Variants in ADARB1 observed in about 807,000 individuals in gnomAD.
ADARB1 encodes double-stranded RNA-specific editase 1.
A neutral mutation model predicts 52.4 loss-of-function variants in ADARB1; 10 were observed. The ratio of observed to expected loss-of-function variants is 0.19; its 90% CI spans 0.12 to 0.32. ADARB1 has a LOEUF of 0.32. ADARB1 is among the 10% of genes least tolerant of loss of function. The probability of loss-of-function intolerance (pLI) is 1.00; values close to 1 mark genes in which losing one functional copy is unlikely to be tolerated. For synonymous variants in ADARB1, 349 were observed against 371.1 expected, an observed-to-expected ratio of 0.94 and a Z score of 0.68; for missense variants, 643 against 922.3, an observed-to-expected ratio of 0.70 and a Z score of 3.92.
At chr21:45,164,233 A>T (rs578161152) in intron 2 of ADARB1, among the ~76,000 whole-genome samples, 1 of 152,280 alleles carries the variant, frequency 6.6e-6, no homozygotes, top group South Asian at 2.1e-4. Context: ...CAACTGTAGC[A>T]GCCAAGTGAA....
At chr21:45,152,788 CT>C (rs751335216) in intron 2 of ADARB1, 1 of 190,224 alleles carries the variant, frequency 5.3e-6, no homozygotes, top group South Asian at 6.5e-5. Context: ...GGATAGACGG[CT>C]TTGTGAATTA....
chr21:45,221,036 A>T lies in ADARB1; in HGVS notation c.1926+22A>T, dbSNP rs1257912701. The T allele has an allele frequency of 6.3e-6, 10 of 1,587,084 alleles. No individual in the cohort carries two copies. In the South Asian group the frequency reaches 1.0e-4, roughly 16 times the overall value. On this transcript the variant is annotated intron_variant, in intron 10 of 10. Transcript: ENST00000348831. The surrounding 1 kb of genome is among the most constrained non-coding windows in gnomAD (Gnocchi z 4.9). ...CAAGGTACTGAGGCGCCCTCACCGC[A>T]ATGCGCCGGCTCCACCTCCCCAATA...
At chr21:45,108,696 GTT>G (rs751086730) in intron 1 of ADARB1, among the ~76,000 whole-genome samples, 9 of 152,004 alleles carry the variant, frequency 5.9e-5, no homozygotes, top group Non-Finnish European at 4.4e-5. Context: ...AATTTAGGTA[GTT>G]TCCACACTTC....
In ADARB1 at chr21:45,204,617, C is replaced by T; in HGVS notation, c.1628C>T (p.Ser543Leu). The change falls in exon 9 of 11, where the codon TCG (serine) becomes TTG (leucine). Residue 543 changes from serine to leucine, a missense_variant. Coordinates refer to ENST00000348831, the MANE Select transcript of ADARB1 (RefSeq NM_001112.4). This position sits in a 1 kb window ranked among gnomAD's most constrained non-coding sequence, Gnocchi z 4.4. ...LSIFVEPIYFSSIILGSLYHG... is the reference protein window; with the variant it reads ...LSIFVEPIYFLSIILGSLYHG... ...ATTTTCGTGGAGCCCATTTACTTCTCGAGCATCATCCTGGGCAGCCTTTAC... is the reference window on the plus strand; with the variant it reads ...ATTTTCGTGGAGCCCATTTACTTCTTGAGCATCATCCTGGGCAGCCTTTAC... 1 of 1,614,168 alleles carries T rather than the reference C, an allele frequency of 6.2e-7. No homozygotes were observed. The highest frequency in any genetic ancestry group is 8.5e-7 in the Non-Finnish European group (1 of 1,180,012).
At chr21:45,219,696 T>C (rs1457694339) in intron 9 of ADARB1, among the ~76,000 whole-genome samples, 1 of 152,196 alleles carries the variant, frequency 6.6e-6, no homozygotes, top group East Asian at 1.9e-4. Flanking sequence ...ATAAGGTGGA[T>C]GGCTCATGAT....
intron 1 of ADARB1, among the ~76,000 whole-genome samples, chr21:45,084,204 A>G (rs1054424825): frequency 5.9e-5 from 9 of 152,224 alleles, no homozygotes; most frequent in African/African-American, 1.4e-4. Context: ...CTGGAAGACT[A>G]TTGTAAGTCA....
At position 45,182,581 on chromosome 21, in the gene ADARB1, T is replaced by TTC; in HGVS notation, c.1079-4_1079-3insTC. 1 of 1,579,776 alleles carries TTC rather than the reference T, an allele frequency of 6.3e-7. No individual in the cohort carries two copies. The highest frequency in any genetic ancestry group is 2.1e-5 in the Admixed American group (1 of 48,532). The stretch of plus-strand genomic sequence containing the variant: ...AAAATAGTGTCTCTTTTTTTTTTTT[T>TTC]CAGGCACAGATGTTAAAGATGCCAA... On this transcript the variant is annotated splice_polypyrimidine_tract_variant and splice_region_variant and intron_variant, in intron 5 of 10. Coordinates refer to ENST00000348831, the MANE Select transcript of ADARB1 (RefSeq NM_001112.4).
Position 45,128,122 on chromosome 21 carries a change from G to C in ADARB1, c.-219-280G>C, listed in dbSNP as rs57114866. Among the ~76,000 whole-genome samples, 147 of 152,354 alleles carry C rather than the reference G, an allele frequency of 9.6e-4. 1 individual carries two copies. In the East Asian group the frequency reaches 0.027, roughly 28 times the overall value. On this transcript the variant is annotated intron_variant, in intron 1 of 10. Transcript: ENST00000348831. The surrounding 1 kb of genome is among the most constrained non-coding windows in gnomAD (Gnocchi z 4.6). Reference sequence around the variant, plus strand: ...CCTGAGACTCCAGTCCTCAGTGTGTGGCCTGGTGCCGCTGATGCCGAGATG... The same window carrying C: ...CCTGAGACTCCAGTCCTCAGTGTGTCGCCTGGTGCCGCTGATGCCGAGATG...
chr21:45,167,520 G>A (rs2091300886), intron 2 of ADARB1, among the ~76,000 whole-genome samples: 1 of 152,162 alleles, frequency 6.6e-6, no homozygotes, highest in African/African-American at 2.4e-5. Flanking sequence ...GGAGGTCAAG[G>A]CAGGCAGATC....
At chr21:45,130,679 C>T (rs2088877281) in intron 2 of ADARB1, among the ~76,000 whole-genome samples, 1 of 152,202 alleles carries the variant, frequency 6.6e-6, no homozygotes, top group Non-Finnish European at 1.5e-5. Flanking sequence ...CCCTCTGAGC[C>T]TCCCTCCCGG....
At chr21:45,146,485 C>T (rs777954365) in intron 2 of ADARB1, among the ~76,000 whole-genome samples, 11 of 152,226 alleles carry the variant, frequency 7.2e-5, no homozygotes, top group Non-Finnish European at 2.9e-5. Context: ...CCTGCTAGAG[C>T]TGGCAGGACA....
chr21:45,125,395 G>GC (rs1428464284), intron 1 of ADARB1, among the ~76,000 whole-genome samples: 1 of 152,224 alleles, frequency 6.6e-6, no homozygotes, highest in Non-Finnish European at 1.5e-5. Context: ...CAGTGAGGTG[G>GC]CTGGCTCCCG....
intron 1 of ADARB1, among the ~76,000 whole-genome samples, chr21:45,113,455 ATG>A (rs1214823689): frequency 2.0e-5 from 3 of 148,636 alleles, no homozygotes; most frequent in South Asian, 2.1e-4. Context: ...ATATATATAT[ATG>A]TGTGTGTGTG....
chr21:45,099,153 T>G (rs2086892053), intron 1 of ADARB1, among the ~76,000 whole-genome samples: 1 of 152,206 alleles, frequency 6.6e-6, no homozygotes, highest in African/African-American at 2.4e-5. Flanking sequence ...ACGCATGTCT[T>G]CCCTCTCAGG....
chr21:45,107,233 A>G (rs971273379), intron 1 of ADARB1, among the ~76,000 whole-genome samples: 74 of 152,360 alleles, frequency 4.9e-4, no homozygotes, highest in African/African-American at 1.7e-3. Context: ...CGCCTTGAGC[A>G]GGTGAAGACA....
intron 8 of ADARB1, among the ~76,000 whole-genome samples, chr21:45,187,430 C>T (rs889479847): frequency 6.6e-6 from 1 of 152,170 alleles, no homozygotes; most frequent in Non-Finnish European, 1.5e-5. Context: ...GGGTTTTCTA[C>T]ATATAAAATT....
At chr21:45,178,737 T>A (rs1360021572) in intron 4 of ADARB1, among the ~76,000 whole-genome samples, 1 of 152,084 alleles carries the variant, frequency 6.6e-6, no homozygotes, top group Non-Finnish European at 1.5e-5. Context: ...GTGGCATGGG[T>A]TTAACTCTTA....
At chr21:45,196,955 G>C (rs577732851) in intron 8 of ADARB1, among the ~76,000 whole-genome samples, 1 of 152,288 alleles carries the variant, frequency 6.6e-6, no homozygotes, top group Admixed American at 6.5e-5. Flanking sequence ...AGCACTTTGG[G>C]CCAAGGCAGA....
rs147012547 is a variant in ADARB1 at position 45,105,079 on chromosome 21, G to GTTGTT, written c.-219-23290_-219-23286dup. The stretch of plus-strand genomic sequence containing the variant: ...GCTTAGCATGCATCGTTGCTGCTTC[G>GTTGTT]TTGTTTTGTTTTGTTTTGTTTTGTT... On this transcript the variant is annotated intron_variant, in intron 1 of 10. Coordinates refer to ENST00000348831, the MANE Select transcript of ADARB1 (RefSeq NM_001112.4). Among the ~76,000 whole-genome samples the GTTGTT allele has an allele frequency of 2.6e-3, 386 of 150,212 alleles. 3 individuals are homozygous for GTTGTT. Among genetic ancestry groups the GTTGTT allele is most frequent in the African/African-American group, 5.3e-3 (216 of 40,670 alleles).
Sources: gnomAD v4.1 joint callset for allele counts (sites outside exome capture counted in the v4.1 genomes callset) on GRCh38, gnomAD v4.1.1 for gene constraint, Gnocchi (gnomAD v3.1) non-coding constraint, MANE v1.5 for transcripts, NCBI Gene and HGNC (gene_info 2026-07-23, HGNC 2026-07-21) for gene names.